Variants in SIPA1L2 observed in about 807,000 individuals in gnomAD.
SIPA1L2 encodes signal-induced proliferation-associated 1-like protein 2.
Under a neutral mutation model 163.9 loss-of-function variants are expected in SIPA1L2, and 56 were observed. The observed-to-expected ratio is 0.34, with a 90% confidence interval of 0.28 to 0.43. The LOEUF (loss-of-function observed/expected upper bound fraction) is 0.43, where lower values mean the gene tolerates loss of function less well. SIPA1L2 is among the 20% of genes least tolerant of loss of function. The pLI is 1.00. For missense variants in SIPA1L2, 1,974 were observed against 2,193.5 expected (o/e 0.90, Z 2.00); for synonymous variants, 877 against 865.7 (o/e 1.01, Z -0.23).
chr1:232,562,983 G>A (rs1269911188), intron 2 of SIPA1L2, among the ~76,000 whole-genome samples: 2 of 152,152 alleles, frequency 1.3e-5, no homozygotes, highest in Non-Finnish European at 2.9e-5. Context: ...CTGTTAGACT[G>A]CCAAACCACT....
intron 1 of SIPA1L2, among the ~76,000 whole-genome samples, chr1:232,605,958 T>C (rs1661895968): frequency 6.6e-6 from 1 of 152,200 alleles, no homozygotes; most frequent in Admixed American, 6.5e-5. Flanking sequence ...CAGCACATTC[T>C]AACCACATAT....
chr1:232,630,273 GTCCGCCCGGCTC>G (rs1339505527), upstream of SIPA1L2, among the ~76,000 whole-genome samples: 3 of 151,700 alleles, frequency 2.0e-5, no homozygotes, highest in African/African-American at 7.3e-5. Context: ...CAGTCTCACC[GTCCGCCCGGCTC>G]CGGGCGCAGC....
intron 2 of SIPA1L2, among the ~76,000 whole-genome samples, chr1:232,564,145 T>TCGTGTGTGTGTGTGTGTGTGTG (rs1307515862): frequency 1.6e-5 from 1 of 64,168 alleles, no homozygotes; most frequent in African/African-American, 9.8e-5. Flanking sequence ...TTTTTTTTTT[T>TCGTGTGTGTGTGTGTGTGTGTG]TTTCGTGTGT....
chr1:232,437,552 T>C (rs1346295625), intron 15 of SIPA1L2, among the ~76,000 whole-genome samples: 1 of 152,150 alleles, frequency 6.6e-6, no homozygotes, highest in East Asian at 1.9e-4. Flanking sequence ...TGGCATCCAC[T>C]CCCCCTTCTC....
In SIPA1L2 at chr1:232,445,449, G is replaced by A. The variant is rs992271559; in HGVS notation, c.3353+80C>T. The stretch of plus-strand genomic sequence containing the variant: ...AACAAGCTAACTCAGAAGTGATTAA[G>A]CAAAACCCTCCCTACAATGTCAAGT... On this transcript the variant is annotated intron_variant, in intron 11 of 22. Transcript: ENST00000674635. The A allele has an allele frequency of 1.3e-5, 20 of 1,587,000 alleles. No homozygotes were observed. The Admixed American group carries it at 3.4e-4, about 27-fold the overall frequency.
rs1180228680 is a variant in SIPA1L2, at chr1:232,436,817, A to G, written c.4031+2291T>C. Among the ~76,000 whole-genome samples, 9 of 152,206 alleles carry G rather than the reference A, an allele frequency of 5.9e-5. No individual in the cohort carries two copies. In the East Asian group the frequency reaches 7.7e-4, roughly 13 times the overall value. On this transcript the variant is annotated intron_variant, in intron 15 of 22. Transcript: ENST00000674635. ...GGGGGGCACGCAAGAGGAAGTGTTA[A>G]AAAGATTTCATTCAATGACTGAATT...
At chr1:232,576,108 C>G (rs910143356) in intron 1 of SIPA1L2, among the ~76,000 whole-genome samples, 1 of 152,150 alleles carries the variant, frequency 6.6e-6, no homozygotes, top group African/African-American at 2.4e-5. Flanking sequence ...ACAACAGTCT[C>G]AATCTACGTA....
intron 10 of SIPA1L2, among the ~76,000 whole-genome samples, chr1:232,449,858 A>G (rs1663463779): frequency 6.6e-6 from 1 of 152,240 alleles, no homozygotes; most frequent in African/African-American, 2.4e-5. Context: ...TCTTCTCAAC[A>G]ACAATACTAG....
intron 18 of SIPA1L2, among the ~76,000 whole-genome samples, chr1:232,424,917 C>T (rs1455026652): frequency 6.6e-6 from 1 of 151,908 alleles, no homozygotes; most frequent in Admixed American, 6.6e-5. Flanking sequence ...ATAAGGCTAA[C>T]ATAAAAAAAA....
At chr1:232,587,261 G>T (rs572047620) in intron 1 of SIPA1L2, among the ~76,000 whole-genome samples, 1 of 152,152 alleles carries the variant, frequency 6.6e-6, no homozygotes, top group South Asian at 2.1e-4. Flanking sequence ...AACAGCCCCA[G>T]TCAAAGTGCC....
intron 2 of SIPA1L2, among the ~76,000 whole-genome samples, chr1:232,524,314 G>T (rs1286730872): frequency 1.3e-5 from 2 of 152,052 alleles, no homozygotes; most frequent in Non-Finnish European, 2.9e-5. Flanking sequence ...TACCACTTCT[G>T]ACCAAGCAAG....
intron 1 of SIPA1L2, among the ~76,000 whole-genome samples, chr1:232,591,538 C>G (rs1391277580): frequency 6.6e-6 from 1 of 152,252 alleles, no homozygotes; most frequent in Non-Finnish European, 1.5e-5. Context: ...GAGGTTTAAC[C>G]TTTAACCCAG....
intron 1 of SIPA1L2, among the ~76,000 whole-genome samples, chr1:232,621,312 A>T (rs76570586): frequency 6.6e-6 from 1 of 152,136 alleles, no homozygotes; most frequent in Admixed American, 6.5e-5. Context: ...TTTCAGTGAT[A>T]GTGAGTCGGT....
chr1:232,401,351 C>T (rs191897135), intron 22 of SIPA1L2, among the ~76,000 whole-genome samples: 76 of 152,290 alleles, frequency 5.0e-4, no homozygotes, highest in African/African-American at 1.5e-3. Context: ...AAACAGGTAT[C>T]GCTTTAATTT....
chr1:232,450,539 G>A (rs1663511524), intron 10 of SIPA1L2, among the ~76,000 whole-genome samples: 1 of 152,210 alleles, frequency 6.6e-6, no homozygotes, highest in African/African-American at 2.4e-5. Context: ...ACAGGTTCCA[G>A]CTGCCTGAGT....
chr1:232,609,514 G>C (rs1662130432), intron 1 of SIPA1L2, among the ~76,000 whole-genome samples: 1 of 152,086 alleles, frequency 6.6e-6, no homozygotes, highest in South Asian at 2.1e-4. Context: ...ATCCAAACCT[G>C]AGTAGATAAA....
rs138564534 is a variant in SIPA1L2 at position 232,455,864 on chromosome 1, C to T, written c.3095+5023G>A. Among the ~76,000 whole-genome samples, 1,149 of 152,228 alleles carry T rather than the reference C, an allele frequency of 7.5e-3. 28 individuals carry two copies. Among genetic ancestry groups the T allele is most frequent in the Admixed American group, 0.041 (631 of 15,284 alleles). The stretch of plus-strand genomic sequence containing the variant: ...TAACACGGCAACAGAAAACCAAATG[C>T]TGTCATGTTCTTGCTTACAAGCGGG... On this transcript the variant is annotated intron_variant, in intron 10 of 22. Transcript: ENST00000674635.
intron 7 of SIPA1L2, among the ~76,000 whole-genome samples, chr1:232,479,041 T>C (rs4649269): frequency 6.6e-6 from 1 of 152,098 alleles, no homozygotes; most frequent in Non-Finnish European, 1.5e-5. Context: ...AAAAAAAACT[T>C]GCTTGACTCA....
In SIPA1L2 at chr1:232,425,650, T is replaced by C. The variant is rs41271519; in HGVS notation, c.4569A>G (p.Pro1523=). Residue 1523 remains proline (P), a synonymous_variant, in exon 18 of 23, where the codon CCA becomes CCG. Coordinates refer to ENST00000674635, the MANE Select transcript of SIPA1L2 (RefSeq NM_020808.5). The part of the protein sequence containing the change: ...LPNDILFSTT[P]PYHSTLPPRA... ...GCGGAGGCAGCGTGCTGTGGTAGGGTGGGGTGGTGCTGAACAGAATGTCGT... is the reference window on the plus strand; with the variant it reads ...GCGGAGGCAGCGTGCTGTGGTAGGGCGGGGTGGTGCTGAACAGAATGTCGT... 20,855 of 1,611,806 alleles carry C rather than the reference T, an allele frequency of 0.013. 160 individuals carry two copies. The highest frequency in any genetic ancestry group is 0.016 in the Non-Finnish European group (19,006 of 1,179,280).
Sources: allele counts gnomAD v4.1 joint callset (sites outside exome capture counted in the v4.1 genomes callset), GRCh38; gene constraint gnomAD v4.1.1; transcripts MANE v1.5; gene names NCBI Gene and HGNC (gene_info 2026-07-23, HGNC 2026-07-21).